MAP4K1: variants seen among roughly 807,000 people sequenced by gnomAD.
MAP4K1 encodes the protein MAPK/ERK kinase kinase kinase 1.
MAP4K1 carries 35 observed loss-of-function variants against 122.8 expected under a neutral mutation model. That is an observed-to-expected ratio of 0.29 (90% CI 0.22 to 0.38). The LOEUF is 0.38. Ranked by LOEUF, MAP4K1 falls within the 10% of genes least tolerant of loss-of-function variation. MAP4K1 has a pLI of 1.00. For synonymous variants in MAP4K1, 412 were observed against 421.3 expected, an observed-to-expected ratio of 0.98 and a Z score of 0.27; for missense variants, 791 against 1,072.6, an observed-to-expected ratio of 0.74 and a Z score of 3.67.
At position 38,596,329 on chromosome 19, in the gene MAP4K1, A is replaced by G. The variant is rs955186939; in HGVS notation, c.2099T>C (p.Leu700Pro). ...CCACTCACCGGTGCTCATCTCGCCC[A>G]GCCAGCAAGAGAGCGCGCCAAAGCG... ...TVRFGALSCW[L>P]GEMSTEHRGP... is the part of the protein sequence containing the mutation. The change falls in exon 26 of 31, where the codon CTG becomes CCG. Residue 700 changes from leucine to proline, a missense_variant. Leu to Pro is a moderately conservative substitution (Grantham distance 98). Coordinates refer to ENST00000396857, the MANE Select transcript of MAP4K1 (RefSeq NM_001042600.3). 2.5e-6 allele frequency: 4 copies of G among 1,591,610 alleles called. No individual in the cohort carries two copies. In the African/African-American group the frequency reaches 5.4e-5, roughly 21 times the overall value.
intron 11 of MAP4K1, among the ~76,000 whole-genome samples, chr19:38,610,448 C>T (rs1027277951): frequency 2.8e-5 from 4 of 140,358 alleles, no homozygotes; most frequent in African/African-American, 8.1e-5. Context: ...TGCAGTGGCA[C>T]GATCCTGGCT....
chr19:38,602,202 A>G (rs1340283544), intron 19 of MAP4K1, among the ~76,000 whole-genome samples: 1 of 152,074 alleles, frequency 6.6e-6, no homozygotes, highest in African/African-American at 2.4e-5. Flanking sequence ...CAGCCTCCTG[A>G]ATAGCTGGGA....
intron 13 of MAP4K1, 126 bp from the exon 14 acceptor site, chr19:38,608,296 T>G: frequency 3.9e-6 from 2 of 506,650 alleles, no homozygotes; most frequent in Non-Finnish European, 6.9e-6. Context: ...CTGCAAATGA[T>G]CTCAGGGAAC....
At position 38,601,519 on chromosome 19, in the gene MAP4K1, C is replaced by T; in HGVS notation, c.1453G>A (p.Ala485Thr). Residue 485 changes from alanine (A) to threonine (T), a missense_variant, in exon 20 of 31, where the codon GCC (alanine) becomes ACC (threonine). Ala to Thr is a moderately conservative substitution (Grantham distance 58). This residue lies in a region of MAP4K1 where 303 missense variants were observed against 344.8 expected (regional missense o/e 0.88). Coordinates refer to ENST00000396857, the MANE Select transcript of MAP4K1 (RefSeq NM_001042600.3). ...CCATTGAACAACTTTACGAGAAGGGCACATCCCTGGGCAGGTCGCCGCGGG... is the reference window on the plus strand; with the variant it reads ...CCATTGAACAACTTTACGAGAAGGGTACATCCCTGGGCAGGTCGCCGCGGG... ...KKEKMKRKGC[A>T]LLVKLFNGCP... 3 of 1,606,522 alleles carry T rather than the reference C, an allele frequency of 1.9e-6. No homozygotes were observed. Among genetic ancestry groups the T allele is most frequent in the South Asian group, 1.1e-5 (1 of 89,628 alleles).
chr19:38,595,763 G>A, intron 27 of MAP4K1, 34 bp from the exon 28 acceptor site: 1 of 1,552,376 alleles, frequency 6.4e-7, no homozygotes, highest in Non-Finnish European at 8.8e-7. Context: ...AGAACTGTGA[G>A]CAAGGCTTAG....
At position 38,595,491 on chromosome 19, in the gene MAP4K1, C is replaced by A. The variant is rs766491223; in HGVS notation, c.2334G>T (p.Ser778=). Residue 778 remains serine (S), a synonymous_variant, in exon 29 of 31, where the codon TCG becomes TCT. Transcript: ENST00000396857. The part of the protein sequence containing the change: ...KHGVQVWALG[S]DQLLQELRDP... ...TTTGGATGGAGGGGCTTACCTGATC[C>A]GAGCCTAGAGCCCACACCTGCACTC... 1.9e-6 allele frequency: 3 copies of A among 1,613,914 alleles called. No homozygotes were observed. Among genetic ancestry groups the A allele is most frequent in the African/African-American group, 1.3e-5 (1 of 74,960 alleles).
chr19:38,596,288 T>C, intron 26 of MAP4K1, 24 bp downstream of exon 26: 3 of 1,528,298 alleles, frequency 2.0e-6, no homozygotes, highest in Non-Finnish European at 2.6e-6. Context: ...AGCCCCGCCC[T>C]CAGCAAGACT....
Position 38,595,480 on chromosome 19 carries a change from C to T in MAP4K1, c.2340+5G>A, listed in dbSNP as rs768073238. Reference sequence around the variant, plus strand: ...GTGATGTGGAGTTTGGATGGAGGGGCTTACCTGATCCGAGCCTAGAGCCCA... The same window carrying T: ...GTGATGTGGAGTTTGGATGGAGGGGTTTACCTGATCCGAGCCTAGAGCCCA... On this transcript the variant is annotated splice_donor_5th_base_variant and intron_variant, in intron 29 of 30. Transcript: ENST00000396857. 3 of 1,613,948 alleles carry T rather than the reference C, an allele frequency of 1.9e-6. No individual in the cohort carries two copies. The highest frequency in any genetic ancestry group is 2.5e-6 in the Non-Finnish European group (3 of 1,179,976).
chr19:38,608,799 C>CAAAAAAAAAA (rs1031744033), intron 13 of MAP4K1, among the ~76,000 whole-genome samples: 99 of 9,556 alleles, frequency 0.01, 13 homozygotes, highest in Admixed American at 0.016. Flanking sequence ...AACTCCGTCT[C>CAAAAAAAAAA]AAAAAAAAAA....
intron 19 of MAP4K1, among the ~76,000 whole-genome samples, chr19:38,603,315 C>T (rs1975210720): frequency 6.6e-6 from 1 of 150,578 alleles, no homozygotes; most frequent in African/African-American, 2.4e-5. Context: ...TACATATATA[C>T]ACATGTACAT....
chr19:38,606,210 G>C lies in MAP4K1; in HGVS notation c.1163C>G (p.Thr388Ser). 1 of 1,552,810 alleles carries C rather than the reference G, an allele frequency of 6.4e-7. No individual in the cohort carries two copies. Among genetic ancestry groups the C allele is most frequent in the East Asian group, 2.3e-5 (1 of 43,596 alleles). ...DDDYDDVDIPTPAEDTPPPLP... is the reference protein window; with the variant it reads ...DDDYDDVDIPSPAEDTPPPLP... Reference sequence around the variant, plus strand: ...TGGAGGAGGTGTGTCCTCTGCAGGGGTGGGGCTGAAACACAAAGATGGGTT... The same window carrying C: ...TGGAGGAGGTGTGTCCTCTGCAGGGCTGGGGCTGAAACACAAAGATGGGTT... Residue 388 changes from threonine to serine, a missense_variant, in exon 17 of 31, where the codon ACC becomes AGC. Thr to Ser is a moderately conservative substitution (Grantham distance 58). Coordinates refer to ENST00000396857, the MANE Select transcript of MAP4K1 (RefSeq NM_001042600.3).
At chr19:38,607,757 G>GCAGGGGTGCAGCGGGGT (rs1975371933) in intron 16 of MAP4K1, 107 bp downstream of exon 16, 2 of 1,225,590 alleles carry the variant, frequency 1.6e-6, no homozygotes, top group Non-Finnish European at 2.3e-6. Flanking sequence ...TAGAAGAAAG[G>GCAGGGGTGCAGCGGGGT]CAGGGGTGCA....
chr19:38,606,771 C>T (rs1426721822), intron 16 of MAP4K1, among the ~76,000 whole-genome samples: 1 of 152,222 alleles, frequency 6.6e-6, no homozygotes, highest in Admixed American at 6.5e-5. Context: ...GCTGACAGTG[C>T]ACCACGGCTT....
At position 38,603,435 on chromosome 19, in the gene MAP4K1, CAT is replaced by C. The variant is rs200544743; in HGVS notation, c.1447-1912_1447-1911del. On this transcript the variant is annotated intron_variant, in intron 19 of 30. Transcript: ENST00000396857. ...ATATACACGTATACATATATACACACATATACATGTATATGTGTGTGTATATA... is the reference window on the plus strand; with the variant it reads ...ATATACACGTATACATATATACACACATACATGTATATGTGTGTGTATATA... Among the ~76,000 whole-genome samples, 1,408 of 151,238 alleles carry C rather than the reference CAT, an allele frequency of 9.3e-3. 24 individuals are homozygous for C. Among genetic ancestry groups the C allele is most frequent in the African/African-American group, 0.032 (1,323 of 41,160 alleles).
chr19:38,606,215 G>A lies in MAP4K1; in HGVS notation c.1158C>T (p.Ile386=). Residue 386 remains isoleucine (I), a splice_region_variant and synonymous_variant, in exon 17 of 31, where the codon ATC becomes ATT. Coordinates refer to ENST00000396857, the MANE Select transcript of MAP4K1 (RefSeq NM_001042600.3). ...SSDDDYDDVD[I]PTPAEDTPPP... is the part of the protein sequence containing the mutation. ...GAGGTGTGTCCTCTGCAGGGGTGGGGCTGAAACACAAAGATGGGTTAAATA... is the reference window on the plus strand; with the variant it reads ...GAGGTGTGTCCTCTGCAGGGGTGGGACTGAAACACAAAGATGGGTTAAATA... The A allele has an allele frequency of 1.3e-6, 2 of 1,545,702 alleles. No individual in the cohort carries two copies. Among genetic ancestry groups the A allele is most frequent in the Non-Finnish European group, 8.7e-7 (1 of 1,147,084 alleles).
intron 29 of MAP4K1, among the ~76,000 whole-genome samples, chr19:38,594,957 T>TTACC (rs564594405): frequency 6.8e-6 from 1 of 146,554 alleles, no homozygotes; most frequent in African/African-American, 2.6e-5. Context: ...TAAATAAATT[T>TTACC]TATCTATCTA....
chr19:38,593,508 G>C, intron 29 of MAP4K1, 171 bp from the exon 30 acceptor site: 1 of 470,738 alleles, frequency 2.1e-6, no homozygotes, highest in South Asian at 2.4e-5. Flanking sequence ...TTCGAGACCA[G>C]CCTGGCCAAC....
intron 19 of MAP4K1, among the ~76,000 whole-genome samples, chr19:38,602,710 A>G (rs1240936606): frequency 6.7e-6 from 1 of 149,662 alleles, no homozygotes; most frequent in Non-Finnish European, 1.5e-5. Flanking sequence ...ATACATGTAT[A>G]CATATATACA....
At position 38,597,546 on chromosome 19, in the gene MAP4K1, C is replaced by T. The variant is rs1447118714; in HGVS notation, c.1718G>A (p.Arg573Gln). The change falls in exon 23 of 31, where the codon CGG becomes CAG. Residue 573 changes from arginine (R) to glutamine (Q), a missense_variant. Transcript: ENST00000396857. This position sits in a 1 kb window ranked among gnomAD's most constrained non-coding sequence, Gnocchi z 4.6. Reference protein sequence around the residue: ...YSHSILGLLERKETRAGNPIA... With the variant: ...YSHSILGLLEQKETRAGNPIA... ...GGGGTTTCCTGCTCTGGTCTCTTTC[C>T]GTTCCAGCAGGCCAAGGATGCTATG... is the stretch of plus-strand genomic sequence containing the variant. 6.2e-7 allele frequency: 1 copy of T among 1,613,830 alleles called. No homozygotes were observed.
Sources: allele counts gnomAD v4.1 joint callset (sites outside exome capture counted in the v4.1 genomes callset), GRCh38; gene constraint gnomAD v4.1.1; regional missense constraint gnomAD v4.1.1; non-coding constraint Gnocchi (gnomAD v3.1); transcripts MANE v1.5; gene names NCBI Gene and HGNC (gene_info 2026-07-23, HGNC 2026-07-21).